The following PPP1R12A variants were observed in gnomAD, a reference collection of about 807,000 sequenced individuals.
The protein encoded by PPP1R12A is protein phosphatase 1 regulatory subunit 12A.
A neutral mutation model predicts 139.6 loss-of-function variants in PPP1R12A; 19 were observed. That is an observed-to-expected ratio of 0.14 (90% CI 0.09 to 0.20). The LOEUF is 0.20. PPP1R12A is among the 10% of genes least tolerant of loss of function. The pLI, the probability that PPP1R12A is intolerant of heterozygous loss-of-function variation, is 1.00. For synonymous variants in PPP1R12A, 427 were observed against 420.6 expected, an observed-to-expected ratio of 1.02 and a Z score of -0.19; for missense variants, 925 against 1,211.5, an observed-to-expected ratio of 0.76 and a Z score of 3.51.
chr12:79,809,379 T>A (rs1457735967), intron 10 of PPP1R12A, among the ~76,000 whole-genome samples: 1 of 152,152 alleles, frequency 6.6e-6, no homozygotes, highest in African/African-American at 2.4e-5. Flanking sequence ...TTGCTTGTAA[T>A]ATGGTAGATG....
intron 3 of PPP1R12A, among the ~76,000 whole-genome samples, chr12:79,842,601 G>A (rs933775516): frequency 8.6e-5 from 13 of 151,994 alleles, no homozygotes; most frequent in African/African-American, 3.1e-4. Context: ...GTGTGTGTGT[G>A]TGTGTGTGTG....
chr12:79,923,645 T>C (rs1475027674), intron 1 of PPP1R12A, among the ~76,000 whole-genome samples: 5 of 152,260 alleles, frequency 3.3e-5, no homozygotes, highest in Non-Finnish European at 7.3e-5. Context: ...CATTTGTCTT[T>C]AGTGTTTTAA....
chr12:79,887,660 G>A (rs3898515), intron 1 of PPP1R12A, among the ~76,000 whole-genome samples: 15,752 of 152,094 alleles, frequency 0.1, 2,204 homozygotes, highest in African/African-American at 0.32. Flanking sequence ...TTTATCAGAT[G>A]TGGTTCACAA....
chr12:79,791,171 G>A (rs1471456725), intron 19 of PPP1R12A, among the ~76,000 whole-genome samples: 3 of 151,992 alleles, frequency 2.0e-5, no homozygotes, highest in African/African-American at 7.3e-5. Flanking sequence ...CAGTAAAATG[G>A]CCATTCCTGA....
intron 4 of PPP1R12A, among the ~76,000 whole-genome samples, chr12:79,829,060 A>G (rs943257304): frequency 2.6e-5 from 4 of 152,056 alleles, no homozygotes; most frequent in African/African-American, 4.8e-5. Flanking sequence ...GAGCAGTAGA[A>G]AGCAGATACT....
chr12:79,830,632 T>C (rs1877307082), intron 4 of PPP1R12A, among the ~76,000 whole-genome samples: 1 of 152,220 alleles, frequency 6.6e-6, no homozygotes, highest in African/African-American at 2.4e-5. Context: ...GTTTTGATCT[T>C]TGCCACTCGA....
intron 1 of PPP1R12A, among the ~76,000 whole-genome samples, chr12:79,912,106 A>G (rs1463591755): frequency 2.0e-5 from 3 of 152,036 alleles, no homozygotes; most frequent in East Asian, 3.9e-4. Flanking sequence ...ACCAGAACCT[A>G]TTTCTCCACC....
At chr12:79,913,212 CA>C (rs1193025137) in intron 1 of PPP1R12A, among the ~76,000 whole-genome samples, 1 of 152,250 alleles carries the variant, frequency 6.6e-6, no homozygotes, top group Non-Finnish European at 1.5e-5. Flanking sequence ...TATGCACACA[CA>C]ATCTTTTCCT....
At chr12:79,831,772 C>T (rs1040450852) in intron 4 of PPP1R12A, among the ~76,000 whole-genome samples, 3 of 152,044 alleles carry the variant, frequency 2.0e-5, no homozygotes, top group Non-Finnish European at 4.4e-5. Context: ...AATATTATTG[C>T]AACATAAAGA....
intron 1 of PPP1R12A, among the ~76,000 whole-genome samples, chr12:79,883,357 C>CA (rs1216579939): frequency 1.3e-5 from 2 of 151,478 alleles, no homozygotes; most frequent in Admixed American, 6.6e-5. Flanking sequence ...ACTGAGAAAC[C>CA]AAAAAAAATT....
At position 79,875,885 on chromosome 12, in the gene PPP1R12A, T is replaced by G. The variant is rs754522248; in HGVS notation, c.238-2947A>C. ...TTAACCACCAAAGGAAGTTCCTGTT[T>G]GTTCATATTTGGGAAAAAAAACTAT... On this transcript the variant is annotated intron_variant, in intron 1 of 24. Coordinates refer to ENST00000450142, the MANE Select transcript of PPP1R12A (RefSeq NM_002480.3). 2.6e-5 allele frequency among the ~76,000 whole-genome samples: 4 copies of G among 152,248 alleles called. No individual in the cohort carries two copies. The East Asian group carries it at 7.7e-4, about 29-fold the overall frequency.
intron 1 of PPP1R12A, among the ~76,000 whole-genome samples, chr12:79,914,859 TA>T (rs1030218458): frequency 2.7e-5 from 4 of 150,500 alleles, no homozygotes; most frequent in African/African-American, 9.7e-5. Context: ...GGTTTTCTAT[TA>T]AAAAAAAAAA....
At chr12:79,908,361 A>G (rs570447360) in intron 1 of PPP1R12A, among the ~76,000 whole-genome samples, 1 of 152,222 alleles carries the variant, frequency 6.6e-6, no homozygotes, top group African/African-American at 2.4e-5. Context: ...TTTATTCCAA[A>G]ATAGGAAAAG....
rs764075687 is a variant in PPP1R12A, at chr12:79,806,324, A to G, written c.1665T>C (p.Phe555=). The change falls in exon 13 of 25, where the codon TTT becomes TTC. Residue 555 remains phenylalanine (F), a synonymous_variant. Coordinates refer to ENST00000450142, the MANE Select transcript of PPP1R12A (RefSeq NM_002480.3). ...TAATCAAATCATCTTGTCTTCTACC[A>G]AAGGAGCAACTAAACAAAAGAGTCA... is the stretch of plus-strand genomic sequence containing the variant. ...EGSTYHKSCS[F]GRRQDDLISS... 53 of 1,613,306 alleles carry G rather than the reference A, an allele frequency of 3.3e-5. 2 individuals carry two copies. The South Asian group carries it at 5.8e-4, about 18-fold the overall frequency.
intron 2 of PPP1R12A, among the ~76,000 whole-genome samples, chr12:79,859,725 C>T (rs1481923932): frequency 1.3e-5 from 2 of 151,818 alleles, no homozygotes; most frequent in African/African-American, 2.4e-5. Context: ...GAAAACACAG[C>T]GAGACTCTGT....
chr12:79,935,128 C>T, upstream of PPP1R12A: 2 of 1,368,750 alleles, frequency 1.5e-6, no homozygotes, highest in East Asian at 2.9e-5. Context: ...GCGGACCTCC[C>T]TTCCTACCAC....
chr12:79,887,287 T>C (rs1212057343), intron 1 of PPP1R12A, among the ~76,000 whole-genome samples: 1 of 151,622 alleles, frequency 6.6e-6, no homozygotes, highest in East Asian at 1.9e-4. Flanking sequence ...ACTTTATTAG[T>C]ATTTTATGTA....
Position 79,806,282 on chromosome 12 carries a change from G to C in PPP1R12A, c.1707C>G (p.Ser569Arg), listed in dbSNP as rs1316675553. Residue 569 changes from serine (S) to arginine (R), a missense_variant, in exon 13 of 25, where the codon AGC becomes AGG. Coordinates refer to ENST00000450142, the MANE Select transcript of PPP1R12A (RefSeq NM_002480.3). ...QDDLISSSVP[S>R]TTSTPTVTSA... ...AGGTAACTGTTGGTGTTGATGTGGTGCTTGGAACACTAGAACTAATCAAAT... is the reference window on the plus strand; with the variant it reads ...AGGTAACTGTTGGTGTTGATGTGGTCCTTGGAACACTAGAACTAATCAAAT... 6.2e-7 allele frequency: 1 copy of C among 1,613,778 alleles called. No homozygotes were observed. Among genetic ancestry groups the C allele is most frequent in the African/African-American group, 1.3e-5 (1 of 74,926 alleles).
intron 19 of PPP1R12A, among the ~76,000 whole-genome samples, chr12:79,792,224 T>G (rs1871964956): frequency 6.6e-6 from 1 of 152,146 alleles, no homozygotes; most frequent in African/African-American, 2.4e-5. Context: ...CTACATCCAT[T>G]CTTCCTTTTT....
Sources: gnomAD v4.1 joint callset for allele counts (sites outside exome capture counted in the v4.1 genomes callset) on GRCh38, gnomAD v4.1.1 for gene constraint, MANE v1.5 for transcripts, NCBI Gene and HGNC (gene_info 2026-07-23, HGNC 2026-07-21) for gene names.